The following PRR5L variants were observed in gnomAD, a reference collection of about 807,000 sequenced individuals.
PRR5L encodes proline-rich protein 5-like.
A neutral mutation model predicts 36.4 loss-of-function variants in PRR5L; 21 were observed. That is an observed-to-expected ratio of 0.58 (90% CI 0.41 to 0.83). The LOEUF is 0.83. Ranked by LOEUF, PRR5L falls within the 40% of genes least tolerant of loss-of-function variation. The probability of loss-of-function intolerance (pLI) is 0.00; values close to 1 mark genes in which losing one functional copy is unlikely to be tolerated. For missense variants in PRR5L, 381 were observed against 473.3 expected (o/e 0.80, Z 1.81); for synonymous variants, 188 against 197.0 (o/e 0.95, Z 0.38).
intron 1 of PRR5L, among the ~76,000 whole-genome samples, chr11:36,327,958 A>G (rs139553027): frequency 4.9e-4 from 75 of 152,034 alleles, no homozygotes; most frequent in Admixed American, 7.2e-4. Flanking sequence ...CTGTAACCCA[A>G]TCTCCCTGGG....
At chr11:36,341,227 T>C (rs994554099) in intron 1 of PRR5L, among the ~76,000 whole-genome samples, 4 of 152,026 alleles carry the variant, frequency 2.6e-5, no homozygotes, top group Admixed American at 6.5e-5. Context: ...AGAGATTAAT[T>C]TGGGGGCAGG....
chr11:36,450,621 C>T (rs1858923839), intron 7 of PRR5L, among the ~76,000 whole-genome samples: 1 of 152,212 alleles, frequency 6.6e-6, no homozygotes, highest in Non-Finnish European at 1.5e-5. Flanking sequence ...TCTTATAGCC[C>T]TGAACTTTTC....
At position 36,387,266 on chromosome 11, in the gene PRR5L, C is replaced by T. The variant is rs576231746; in HGVS notation, c.-125-13731C>T. On this transcript the variant is annotated intron_variant, in intron 1 of 8. Coordinates refer to ENST00000530639, the MANE Select transcript of PRR5L (RefSeq NM_001160167.2). ...GGGAACACCACACACCGGGGCCTGT[C>T]GTGGAGTGTGGGGAGGAGGAAGGAT... Among the ~76,000 whole-genome samples the T allele has an allele frequency of 7.9e-5, 12 of 151,980 alleles. No homozygotes were observed. In the South Asian group the frequency reaches 2.1e-3, roughly 26 times the overall value.
At chr11:36,384,937 C>T (rs890453140) in intron 1 of PRR5L, among the ~76,000 whole-genome samples, 15 of 151,578 alleles carry the variant, frequency 9.9e-5, no homozygotes, top group African/African-American at 3.4e-4. Flanking sequence ...TCCTAAATTG[C>T]TGGGATTATA....
intron 1 of PRR5L, among the ~76,000 whole-genome samples, chr11:36,338,652 T>C (rs1389431886): frequency 6.6e-6 from 1 of 152,214 alleles, no homozygotes; most frequent in African/African-American, 2.4e-5. Flanking sequence ...AGTTCACATG[T>C]GACATCATGC....
At chr11:36,419,168 A>T (rs373420309) in intron 3 of PRR5L, 87 bp from the exon 4 acceptor site, 2 of 1,250,080 alleles carry the variant, frequency 1.6e-6, no homozygotes, top group Non-Finnish European at 2.4e-6. Flanking sequence ...ACCTGGCCCC[A>T]CCCCGTGCCA....
chr11:36,397,673 T>A (rs1366939302), intron 1 of PRR5L, among the ~76,000 whole-genome samples: 1 of 151,944 alleles, frequency 6.6e-6, no homozygotes, highest in Non-Finnish European at 1.5e-5. Context: ...ACCAGGCTGA[T>A]CTCGAACTCC....
At chr11:36,462,071 C>A (rs1200438360) in intron 8 of PRR5L, among the ~76,000 whole-genome samples, 1 of 152,128 alleles carries the variant, frequency 6.6e-6, no homozygotes, top group Non-Finnish European at 1.5e-5. Flanking sequence ...CACCAGATTC[C>A]CTTGACTCTT....
At chr11:36,409,589 A>T (rs1211012913) in intron 3 of PRR5L, among the ~76,000 whole-genome samples, 1 of 152,140 alleles carries the variant, frequency 6.6e-6, no homozygotes, top group Admixed American at 6.5e-5. Context: ...AGGGGGACCC[A>T]CAGTAGGGGG....
intron 8 of PRR5L, chr11:36,454,612 G>T (rs1859012598): frequency 6.6e-6 from 1 of 152,234 alleles, no homozygotes; most frequent in Non-Finnish European, 1.5e-5. Flanking sequence ...CTGGATTACT[G>T]ACCAGGGTTT....
Position 36,459,892 on chromosome 11 carries a change from A to G in PRR5L, c.713-2450A>G, listed in dbSNP as rs1859142879. Among the ~76,000 whole-genome samples, 3 of 152,208 alleles carry G rather than the reference A, an allele frequency of 2.0e-5. No individual in the cohort carries two copies. The South Asian group carries it at 6.2e-4, about 31-fold the overall frequency. On this transcript the variant is annotated intron_variant, in intron 8 of 8. Transcript: ENST00000530639. ...TACTCGGAGGGCCCCAGCCATTACT[A>G]AGTTCCAGAGGACTTTGATTTTTCA...
chr11:36,306,379 C>A (rs1473244761), intron 1 of PRR5L, among the ~76,000 whole-genome samples: 1 of 152,000 alleles, frequency 6.6e-6, no homozygotes, highest in Non-Finnish European at 1.5e-5. Flanking sequence ...ATGATGGTTT[C>A]CGGCTTCATC....
At chr11:36,450,345 C>G (rs2133623550) in intron 7 of PRR5L, among the ~76,000 whole-genome samples, 1 of 152,376 alleles carries the variant, frequency 6.6e-6, no homozygotes, top group Non-Finnish European at 1.5e-5. Flanking sequence ...TGTTTCTTTC[C>G]TGGCCAGTCC....
At chr11:36,370,181 T>TA (rs1170305507) in intron 1 of PRR5L, among the ~76,000 whole-genome samples, 2 of 152,184 alleles carry the variant, frequency 1.3e-5, no homozygotes, top group Non-Finnish European at 2.9e-5. Flanking sequence ...TTTCTCCTTC[T>TA]AACTTGCCAT....
intron 3 of PRR5L, among the ~76,000 whole-genome samples, chr11:36,408,612 C>CA (rs1857959850): frequency 6.6e-6 from 1 of 152,064 alleles, no homozygotes; most frequent in Non-Finnish European, 1.5e-5. Context: ...TTTAACACCC[C>CA]TCTCCAGCCT....
intron 1 of PRR5L, among the ~76,000 whole-genome samples, chr11:36,364,453 A>ACCT (rs1393615469): frequency 3.3e-5 from 5 of 152,090 alleles, no homozygotes; most frequent in African/African-American, 1.2e-4. Context: ...AGGTTAAGTC[A>ACCT]CCTCACCCCT....
intron 1 of PRR5L, among the ~76,000 whole-genome samples, chr11:36,373,658 T>C (rs1360585595): frequency 1.3e-5 from 2 of 152,102 alleles, no homozygotes; most frequent in African/African-American, 4.8e-5. Flanking sequence ...CTCTTAGGGT[T>C]AGAAAAGAAT....
chr11:36,420,471 C>A (rs1025107488), intron 4 of PRR5L, among the ~76,000 whole-genome samples: 4 of 152,082 alleles, frequency 2.6e-5, no homozygotes, highest in Admixed American at 6.5e-5. Context: ...TGTGAAACAG[C>A]AGTAATAGGA....
intron 1 of PRR5L, among the ~76,000 whole-genome samples, chr11:36,361,834 G>A (rs1857091241): frequency 6.6e-6 from 1 of 152,044 alleles, no homozygotes; most frequent in South Asian, 2.1e-4. Context: ...TCTAACTCTT[G>A]TGGTTTTCTA....
Sources: gnomAD v4.1 joint callset for allele counts (sites outside exome capture counted in the v4.1 genomes callset) on GRCh38, gnomAD v4.1.1 for gene constraint, MANE v1.5 for transcripts, NCBI Gene and HGNC (gene_info 2026-07-23, HGNC 2026-07-21) for gene names.